The following BCAR3 variants were observed in gnomAD, a reference collection of about 807,000 sequenced individuals.
BCAR3 encodes the protein BCAR3 adaptor protein, NSP family member.
In BCAR3, 37 loss-of-function variants were observed where a neutral mutation model predicts 80.1. The ratio of observed to expected loss-of-function variants is 0.46; its 90% CI spans 0.36 to 0.61. The LOEUF is 0.61. Among genes scored for constraint, BCAR3 ranks in the 20% least tolerant of loss-of-function variants. The probability of loss-of-function intolerance (pLI) is 0.00; values close to 1 mark genes in which losing one functional copy is unlikely to be tolerated. For missense variants in BCAR3, 978 were observed against 1,068.2 expected, an observed-to-expected ratio of 0.92 and a Z score of 1.18; for synonymous variants, 389 against 418.9, an observed-to-expected ratio of 0.93 and a Z score of 0.87.
intron 3 of BCAR3, among the ~76,000 whole-genome samples, chr1:93,627,446 AATACTCCTCC>A (rs1181755090): frequency 6.6e-6 from 1 of 152,226 alleles, no homozygotes; most frequent in Non-Finnish European, 1.5e-5. Context: ...AGGCTATTAA[AATACTCCTCC>A]CTTTCTGAAC....
At chr1:93,739,985 G>A (rs1349002977) in intron 2 of BCAR3, among the ~76,000 whole-genome samples, 1 of 150,504 alleles carries the variant, frequency 6.6e-6, no homozygotes, top group Non-Finnish European at 1.5e-5. Flanking sequence ...GCAGTGAGCC[G>A]AGATCATGCC....
chr1:93,728,144 A>C (rs1013641206), intron 2 of BCAR3, among the ~76,000 whole-genome samples: 15 of 152,162 alleles, frequency 9.9e-5, no homozygotes, highest in Non-Finnish European at 1.5e-4. Context: ...GAAGAGAATA[A>C]ATTTCTATTG....
At chr1:93,611,322 T>C (rs779651418) in intron 3 of BCAR3, among the ~76,000 whole-genome samples, 6 of 152,230 alleles carry the variant, frequency 3.9e-5, no homozygotes, top group Non-Finnish European at 8.8e-5. Flanking sequence ...AGAGGGCTTA[T>C]GCATGGACTT....
chr1:93,609,801 C>T (rs536577917), intron 3 of BCAR3, among the ~76,000 whole-genome samples: 54 of 152,326 alleles, frequency 3.5e-4, no homozygotes, highest in Non-Finnish European at 6.5e-4. Flanking sequence ...TTTGTGCGTG[C>T]TCCTCTCTCC....
At chr1:93,845,518 T>G in intron 2 of BCAR3, 1 of 96,182 alleles carries the variant, frequency 1.0e-5, no homozygotes, top group East Asian at 2.7e-4. Context: ...TTGTTTACAT[T>G]AGAGTATAAT....
At chr1:93,798,358 A>AT (rs1259013560) in intron 2 of BCAR3, among the ~76,000 whole-genome samples, 4 of 151,578 alleles carry the variant, frequency 2.6e-5, no homozygotes, top group Non-Finnish European at 4.4e-5. Context: ...TTTTATTTTT[A>AT]TTTTTTTTGC....
At position 93,620,110 on chromosome 1, in the gene BCAR3, C is replaced by T. The variant is rs141249734; in HGVS notation, c.357+22194G>A. ...TTCCCCACTGTACTCGCAGGGCACA[C>T]GCCCACCCACACGCTGGGCTACAGG... On this transcript the variant is annotated intron_variant, in intron 3 of 11. Transcript: ENST00000260502. Among the ~76,000 whole-genome samples the T allele has an allele frequency of 2.6e-3, 394 of 152,274 alleles. 3 individuals are homozygous for T. Among genetic ancestry groups the T allele is most frequent in the African/African-American group, 8.8e-3 (366 of 41,550 alleles).
At chr1:93,714,753 C>A (rs1302980272) in intron 2 of BCAR3, among the ~76,000 whole-genome samples, 4 of 151,204 alleles carry the variant, frequency 2.6e-5, no homozygotes, top group Non-Finnish European at 5.9e-5. Context: ...CAAAGGTTAT[C>A]CTGTACCTAC....
At chr1:93,616,438 C>G (rs766701259) in intron 3 of BCAR3, among the ~76,000 whole-genome samples, 3 of 152,132 alleles carry the variant, frequency 2.0e-5, no homozygotes, top group Non-Finnish European at 4.4e-5. Context: ...TTAAACGCTG[C>G]CTATTTACGC....
chr1:93,761,559 G>A (rs1236877932), intron 2 of BCAR3, among the ~76,000 whole-genome samples: 1 of 152,142 alleles, frequency 6.6e-6, no homozygotes, highest in African/African-American at 2.4e-5. Flanking sequence ...GGCGTAAGTG[G>A]TGACCCAGAA....
chr1:93,710,251 A>G (rs911109442), intron 2 of BCAR3, among the ~76,000 whole-genome samples: 19 of 152,242 alleles, frequency 1.2e-4, no homozygotes, highest in Admixed American at 7.2e-4. Flanking sequence ...TGCTGGAGGG[A>G]CCAGTCCTGA....
At chr1:93,591,093 A>C (rs1279878369) in intron 4 of BCAR3, among the ~76,000 whole-genome samples, 2 of 151,544 alleles carry the variant, frequency 1.3e-5, no homozygotes, top group Non-Finnish European at 2.9e-5. Context: ...TGTTTTCTAC[A>C]ATCAATTTTA....
chr1:93,804,633 C>T lies in BCAR3; in HGVS notation c.-63+40934G>A, dbSNP rs141038493. ...AGAGTTGGCCAGCATGAGATTTTAT[C>T]GTACTACTCAGAACAGGATGCAATT... On this transcript the variant is annotated intron_variant, in intron 2 of 13. Transcript: ENST00000370244. Among the ~76,000 whole-genome samples the T allele has an allele frequency of 2.3e-3, 347 of 152,274 alleles. 1 individual carries two copies. The highest frequency in any genetic ancestry group is 0.021 in the East Asian group (109 of 5,190).
intron 4 of BCAR3, chr1:93,590,178 C>T (rs1245504183): frequency 6.6e-6 from 1 of 152,194 alleles, no homozygotes; most frequent in Non-Finnish European, 1.5e-5. Context: ...TATTTGTATA[C>T]ATAACATATG....
At chr1:93,634,600 G>C in intron 3 of BCAR3, among the ~76,000 whole-genome samples, 1 of 152,004 alleles carries the variant, frequency 6.6e-6, no homozygotes, top group Non-Finnish European at 1.5e-5. Flanking sequence ...GAAGCTGAGG[G>C]AGGAGAATTG....
intron 3 of BCAR3, among the ~76,000 whole-genome samples, chr1:93,628,364 C>A (rs887487925): frequency 6.6e-6 from 1 of 152,206 alleles, no homozygotes; most frequent in African/African-American, 2.4e-5. Flanking sequence ...CTGTCCCCTG[C>A]AGTCTAGCAG....
intron 2 of BCAR3, chr1:93,752,886 T>G (rs1449122944): frequency 6.6e-6 from 1 of 152,196 alleles, no homozygotes; most frequent in Non-Finnish European, 1.5e-5. Flanking sequence ...CTGGCAAGAT[T>G]TGTTTGTTGT....
chr1:93,618,571 C>T (rs1557862570), intron 3 of BCAR3, among the ~76,000 whole-genome samples: 2 of 152,208 alleles, frequency 1.3e-5, no homozygotes, highest in African/African-American at 2.4e-5. Context: ...TGCTTTCTTA[C>T]GCTATCACAC....
intron 11 of BCAR3, among the ~76,000 whole-genome samples, chr1:93,565,172 G>C (rs1672894332): frequency 6.6e-6 from 1 of 151,784 alleles, no homozygotes; most frequent in South Asian, 2.1e-4. Flanking sequence ...GAATCAAGGA[G>C]AATCGCTTGA....
Sources: allele counts gnomAD v4.1 joint callset (sites outside exome capture counted in the v4.1 genomes callset), GRCh38; gene constraint gnomAD v4.1.1; transcripts MANE v1.5; gene names NCBI Gene and HGNC (gene_info 2026-07-23, HGNC 2026-07-21).